LTBP1: variants seen among roughly 807,000 people sequenced by gnomAD.
LTBP1 encodes latent transforming growth factor beta binding protein 1, also known as latent-transforming growth factor beta-binding protein 1.
LTBP1 carries 129 observed loss-of-function variants against 207.6 expected under a neutral mutation model. The observed-to-expected ratio is 0.62, with a 90% CI of 0.54 to 0.72. The LOEUF (loss-of-function observed/expected upper bound fraction) is 0.72, where lower values mean the gene tolerates loss of function less well. Among genes scored for constraint, LTBP1 ranks in the 30% least tolerant of loss-of-function variants. LTBP1 has a pLI of 0.00. For missense variants in LTBP1, 2,281 were observed against 2,217.2 expected, an observed-to-expected ratio of 1.03 and a Z score of -0.58; for synonymous variants, 963 against 833.7, an observed-to-expected ratio of 1.16 and a Z score of -2.67.
intron 9 of LTBP1, among the ~76,000 whole-genome samples, chr2:33,228,711 T>TTTTTTTTTC: frequency 7.4e-6 from 1 of 134,952 alleles, no homozygotes; most frequent in African/African-American, 2.8e-5. Flanking sequence ...TTTTTTTTTT[T>TTTTTTTTTC]TTTTTTTGAG....
intron 4 of LTBP1, among the ~76,000 whole-genome samples, chr2:33,120,012 G>A (rs1156279662): frequency 6.6e-6 from 1 of 152,094 alleles, no homozygotes; most frequent in Non-Finnish European, 1.5e-5. Context: ...CCATACAAAG[G>A]AAGTAGAAGT....
rs2094959818 is a variant in LTBP1 at position 33,364,352 on chromosome 2, A to T, written c.4536A>T (p.Ser1512=). The T allele has an allele frequency of 6.2e-7, 1 of 1,612,820 alleles. No individual in the cohort carries two copies. The highest frequency in any genetic ancestry group is 1.3e-5 in the African/African-American group (1 of 74,868). Residue 1512 remains serine, a synonymous_variant, in exon 30 of 34, where the codon TCA becomes TCT. Transcript: ENST00000404816. ...SEKRCIRPAE[S]NEQIEETDVY... Reference sequence around the variant, plus strand: ...AAAGATGTATACGACCGGCTGAGTCAAACGGTATGTTTCCAGGAGATGCAA... The same window carrying T: ...AAAGATGTATACGACCGGCTGAGTCTAACGGTATGTTTCCAGGAGATGCAA...
intron 5 of LTBP1, among the ~76,000 whole-genome samples, chr2:33,183,262 T>G (rs1309422788): frequency 6.6e-6 from 1 of 152,232 alleles, no homozygotes; most frequent in Non-Finnish European, 1.5e-5. Flanking sequence ...ATACTTTCTT[T>G]TTTGTTGGCT....
rs2094881090 is a variant in LTBP1 at position 33,357,717 on chromosome 2, C to A, written c.4001-2880C>A. Among the ~76,000 whole-genome samples, 4 of 152,180 alleles carry A rather than the reference C, an allele frequency of 2.6e-5. No individual in the cohort carries two copies. In the South Asian group the frequency reaches 8.3e-4, roughly 32 times the overall value. ...CTTTTTATGCAAATGTGAAGCCAGC[C>A]TCTTCATGCAAATTGAAAACTTAAT... On this transcript the variant is annotated intron_variant, in intron 26 of 33. Coordinates refer to ENST00000404816, the MANE Select transcript of LTBP1 (RefSeq NM_206943.4).
At chr2:33,044,308 CCT>C (rs1193517213) in intron 3 of LTBP1, among the ~76,000 whole-genome samples, 1 of 151,960 alleles carries the variant, frequency 6.6e-6, no homozygotes, top group Non-Finnish European at 1.5e-5. Context: ...TGTTCCCCTC[CCT>C]GTGTCCATGT....
At chr2:33,148,931 T>C (rs1320354172) in intron 5 of LTBP1, among the ~76,000 whole-genome samples, 1 of 152,080 alleles carries the variant, frequency 6.6e-6, no homozygotes, top group East Asian at 1.9e-4. Flanking sequence ...AGAGCTCCCA[T>C]GGGCTGGGCG....
At chr2:33,081,934 T>A (rs187236425) in intron 3 of LTBP1, among the ~76,000 whole-genome samples, 1 of 152,366 alleles carries the variant, frequency 6.6e-6, no homozygotes, top group East Asian at 1.9e-4. Flanking sequence ...CCACGATTGT[T>A]AAGTTTCCTG....
chr2:33,161,122 T>C (rs2084426189), intron 5 of LTBP1, among the ~76,000 whole-genome samples: 1 of 152,144 alleles, frequency 6.6e-6, no homozygotes, highest in Non-Finnish European at 1.5e-5. Context: ...TTCTGTAACT[T>C]GGTGTAAAGC....
At chr2:33,053,559 G>C (rs549688226) in intron 3 of LTBP1, among the ~76,000 whole-genome samples, 1 of 151,978 alleles carries the variant, frequency 6.6e-6, no homozygotes, top group East Asian at 1.9e-4. Flanking sequence ...AGTATTTGCC[G>C]TCTGGGTTTC....
chr2:33,334,028 C>G (rs980461458), intron 24 of LTBP1, among the ~76,000 whole-genome samples: 1 of 152,116 alleles, frequency 6.6e-6, no homozygotes, highest in Admixed American at 6.5e-5. Context: ...AGTGGTCAAC[C>G]GCATTGAATA....
intron 31 of LTBP1, among the ~76,000 whole-genome samples, chr2:33,368,368 A>G (rs1026763890): frequency 5.9e-5 from 9 of 152,118 alleles, no homozygotes; most frequent in Non-Finnish European, 1.0e-4. Flanking sequence ...CCATTGGTGG[A>G]TACTTAGGTT....
intron 5 of LTBP1, among the ~76,000 whole-genome samples, chr2:33,163,988 G>A (rs1264681862): frequency 6.6e-6 from 1 of 151,382 alleles, no homozygotes; most frequent in African/African-American, 2.4e-5. Flanking sequence ...CTCTTAATAT[G>A]TCTAGTAAAA....
At chr2:32,987,094 G>A (rs1259224602) in intron 2 of LTBP1, among the ~76,000 whole-genome samples, 1 of 152,190 alleles carries the variant, frequency 6.6e-6, no homozygotes, top group Non-Finnish European at 1.5e-5. Context: ...AGGGATGCTG[G>A]ATGGACAGAA....
chr2:33,200,642 A>C (rs998764970), intron 7 of LTBP1, among the ~76,000 whole-genome samples: 1 of 152,226 alleles, frequency 6.6e-6, no homozygotes, highest in African/African-American at 2.4e-5. Context: ...TAATTAAACT[A>C]AAGAGCTTCT....
chr2:33,257,719 T>C (rs1237660682), intron 12 of LTBP1, among the ~76,000 whole-genome samples: 2 of 152,258 alleles, frequency 1.3e-5, no homozygotes, highest in Admixed American at 6.5e-5. Flanking sequence ...TAGATAACAA[T>C]ATTCCATGCT....
intron 18 of LTBP1, among the ~76,000 whole-genome samples, chr2:33,276,622 G>A (rs1348085882): frequency 1.3e-5 from 2 of 152,296 alleles, no homozygotes; most frequent in South Asian, 2.1e-4. Flanking sequence ...AGGTTGAAGC[G>A]GGTGGATCAC....
rs1688436484 is a variant in LTBP1, at chr2:33,016,732, C to T, written c.566-4177C>T. Among the ~76,000 whole-genome samples the T allele has an allele frequency of 2.6e-5, 4 of 152,164 alleles. No individual in the cohort carries two copies. The South Asian group carries it at 8.3e-4, about 32-fold the overall frequency. On this transcript the variant is annotated intron_variant, in intron 2 of 33. Coordinates refer to ENST00000404816, the MANE Select transcript of LTBP1 (RefSeq NM_206943.4). The stretch of plus-strand genomic sequence containing the variant: ...AAAAATAAAATTAAATTAAAAAGTA[C>T]TTCTGGCTGGCTGGGGGCAGTGGCT...
At chr2:33,103,977 G>A (rs952060225) in intron 3 of LTBP1, among the ~76,000 whole-genome samples, 7 of 152,030 alleles carry the variant, frequency 4.6e-5, no homozygotes, top group African/African-American at 7.2e-5. Context: ...ACAGGGGAAC[G>A]GGTTAGATTG....
chr2:33,369,491 C>T (rs1238845136), intron 31 of LTBP1, among the ~76,000 whole-genome samples: 3 of 152,100 alleles, frequency 2.0e-5, no homozygotes, highest in African/African-American at 7.2e-5. Context: ...TTCCAGGAAA[C>T]GCATGTTGAA....
Sources: allele counts gnomAD v4.1 joint callset (sites outside exome capture counted in the v4.1 genomes callset), GRCh38; gene constraint gnomAD v4.1.1; transcripts MANE v1.5; gene names NCBI Gene and HGNC (gene_info 2026-07-23, HGNC 2026-07-21).